ADARB2: variants seen among roughly 807,000 people sequenced by gnomAD.
ADARB2 encodes the protein adenosine deaminase RNA specific B2 (inactive).
A neutral mutation model predicts 62.2 loss-of-function variants in ADARB2; 25 were observed. That is an observed-to-expected ratio of 0.40 (90% CI 0.29 to 0.56). The LOEUF is 0.56. Ranked by LOEUF, ADARB2 falls within the 20% of genes least tolerant of loss-of-function variation. The pLI is 0.43. For synonymous variants in ADARB2, 572 were observed against 500.8 expected, an observed-to-expected ratio of 1.14 and a Z score of -1.90; for missense variants, 1,071 against 1,077.4, an observed-to-expected ratio of 0.99 and a Z score of 0.08.
chr10:1,624,388 C>T (rs1833741787), intron 1 of ADARB2, among the ~76,000 whole-genome samples: 2 of 152,326 alleles, frequency 1.3e-5, no homozygotes, highest in South Asian at 2.1e-4. Flanking sequence ...AGCGAGCATG[C>T]CGTCCTGCCT....
chr10:1,680,658 A>G (rs1300486871), intron 1 of ADARB2, among the ~76,000 whole-genome samples: 2 of 152,232 alleles, frequency 1.3e-5, no homozygotes, highest in African/African-American at 4.8e-5. Flanking sequence ...GCTTTATTAG[A>G]GAAAGGCTCA....
intron 2 of ADARB2, among the ~76,000 whole-genome samples, chr10:1,364,130 C>T (rs1268872580): frequency 6.6e-6 from 1 of 152,236 alleles, no homozygotes; most frequent in African/African-American, 2.4e-5. Flanking sequence ...TTGCTGAGGG[C>T]CTGTGGCTAG....
intron 1 of ADARB2, among the ~76,000 whole-genome samples, chr10:1,720,697 C>T (rs1009245251): frequency 6.6e-6 from 1 of 152,174 alleles, no homozygotes; most frequent in East Asian, 1.9e-4. Flanking sequence ...TTGGCCCACA[C>T]TGCAGGAGCA....
At chr10:1,330,185 T>C (rs764607050) in intron 3 of ADARB2, among the ~76,000 whole-genome samples, 14 of 152,018 alleles carry the variant, frequency 9.2e-5, no homozygotes, top group Non-Finnish European at 1.9e-4. Flanking sequence ...CCATGGGCCG[T>C]CCTAGGGTGT....
intron 1 of ADARB2, among the ~76,000 whole-genome samples, chr10:1,578,926 G>A (rs1180905065): frequency 6.6e-6 from 1 of 152,210 alleles, no homozygotes; most frequent in East Asian, 1.9e-4. Context: ...GGGCGCTGGG[G>A]TCTGGGGTGG....
At chr10:1,478,753 C>T (rs1224441817) in intron 1 of ADARB2, among the ~76,000 whole-genome samples, 1 of 149,574 alleles carries the variant, frequency 6.7e-6, no homozygotes, top group Non-Finnish European at 1.5e-5. Context: ...AAAACAAGGA[C>T]CCTCGGATGG....
intron 1 of ADARB2, among the ~76,000 whole-genome samples, chr10:1,674,552 C>T (rs72766757): frequency 0.092 from 13,993 of 152,112 alleles, 772 homozygotes; most frequent in East Asian, 0.23. Context: ...ATAAACTGTG[C>T]AGATATCGTT....
chr10:1,589,795 T>C (rs957969442), intron 1 of ADARB2, among the ~76,000 whole-genome samples: 3 of 152,224 alleles, frequency 2.0e-5, no homozygotes, highest in Non-Finnish European at 4.4e-5. Context: ...AGTCTCAGCC[T>C]CCTGAGTAGC....
chr10:1,535,209 C>A (rs1024199790), intron 1 of ADARB2, among the ~76,000 whole-genome samples: 1 of 152,132 alleles, frequency 6.6e-6, no homozygotes, highest in Non-Finnish European at 1.5e-5. Flanking sequence ...CTCTTTACGC[C>A]GTCCCCGGGC....
Position 1,486,049 on chromosome 10 carries a change from T to C in ADARB2, c.101-106889A>G, listed in dbSNP as rs184998634. On this transcript the variant is annotated intron_variant, in intron 1 of 9. Coordinates refer to ENST00000381312, the MANE Select transcript of ADARB2 (RefSeq NM_018702.4). ...TGTATTTCTGGCCTATGTATGGTTG[T>C]ATTGAAGGGAGAAGATGCACAGTTC... 3.0e-4 allele frequency among the ~76,000 whole-genome samples: 45 copies of C among 152,292 alleles called. 1 individual carries two copies. Among genetic ancestry groups the C allele is most frequent in the African/African-American group, 9.1e-4 (38 of 41,568 alleles).
chr10:1,736,903 C>T (rs886738870), intron 1 of ADARB2, 148 bp downstream of exon 1: 1 of 738,020 alleles, frequency 1.4e-6, no homozygotes, highest in African/African-American at 1.7e-5. Flanking sequence ...GATCTGAACT[C>T]CCGAGCGCCC....
intron 4 of ADARB2, among the ~76,000 whole-genome samples, chr10:1,262,135 A>C (rs1230146468): frequency 2.1e-5 from 2 of 97,016 alleles, no homozygotes; most frequent in Non-Finnish European, 3.7e-5. Context: ...CACTCTGGGG[A>C]CTGTGGTGGG....
intron 1 of ADARB2, among the ~76,000 whole-genome samples, chr10:1,515,280 C>T (rs1831994185): frequency 6.6e-6 from 1 of 152,224 alleles, no homozygotes; most frequent in African/African-American, 2.4e-5. Context: ...TGGCTCGTGC[C>T]TGGATCCCCC....
At chr10:1,619,231 T>C (rs1432521538) in intron 1 of ADARB2, among the ~76,000 whole-genome samples, 1 of 150,936 alleles carries the variant, frequency 6.6e-6, no homozygotes, top group Non-Finnish European at 1.5e-5. Context: ...AAGTAAGATT[T>C]AGCTACATGC....
chr10:1,205,898 CCCA>C (rs1564219722), intron 7 of ADARB2, among the ~76,000 whole-genome samples: 10 of 108,518 alleles, frequency 9.2e-5, no homozygotes, highest in African/African-American at 3.3e-4. Flanking sequence ...CATGGGGCAG[CCCA>C]CTGGGGTCAG....
At chr10:1,406,488 C>G (rs544169545) in intron 1 of ADARB2, among the ~76,000 whole-genome samples, 1 of 152,202 alleles carries the variant, frequency 6.6e-6, no homozygotes, top group African/African-American at 2.4e-5. Flanking sequence ...CTCCTTTCTT[C>G]TTCATCTCTG....
intron 3 of ADARB2, among the ~76,000 whole-genome samples, chr10:1,284,126 A>G (rs1457001689): frequency 4.6e-5 from 7 of 152,184 alleles, no homozygotes; most frequent in African/African-American, 1.7e-4. Context: ...AATGCTTCTC[A>G]GGGTCAGACA....
chr10:1,233,927 T>A (rs1830834997), intron 5 of ADARB2, 82 bp from the exon 6 acceptor site: 1 of 1,421,370 alleles, frequency 7.0e-7, no homozygotes, highest in African/African-American at 1.5e-5. Flanking sequence ...TGAGTCCTGT[T>A]TTGTAGAGTT....
intron 3 of ADARB2, among the ~76,000 whole-genome samples, chr10:1,320,024 G>A (rs1026435908): frequency 6.6e-5 from 10 of 152,132 alleles, no homozygotes; most frequent in African/African-American, 1.9e-4. Flanking sequence ...ACAGCATTGG[G>A]GCTATGCTCA....
Sources: gnomAD v4.1 joint callset for allele counts (sites outside exome capture counted in the v4.1 genomes callset) on GRCh38, gnomAD v4.1.1 for gene constraint, MANE v1.5 for transcripts, NCBI Gene and HGNC (gene_info 2026-07-23, HGNC 2026-07-21) for gene names.